CDKAL1: variants seen among roughly 807,000 people sequenced by gnomAD.
The protein encoded by CDKAL1 is CDKAL1 threonylcarbamoyladenosine tRNA methylthiotransferase.
CDKAL1 carries 32 observed loss-of-function variants against 68.2 expected under a neutral mutation model. The observed-to-expected ratio is 0.47, with a 90% CI of 0.35 to 0.63. The LOEUF is 0.63. Among genes scored for constraint, CDKAL1 ranks in the 30% least tolerant of loss-of-function variants. CDKAL1 has a pLI of 0.00. For synonymous variants in CDKAL1, 234 were observed against 244.3 expected (o/e 0.96, Z 0.39); for missense variants, 606 against 696.7 (o/e 0.87, Z 1.47).
At chr6:20,821,926 AG>A (rs1191014051) in intron 8 of CDKAL1, among the ~76,000 whole-genome samples, 2 of 152,212 alleles carry the variant, frequency 1.3e-5, no homozygotes, top group African/African-American at 4.8e-5. Flanking sequence ...AATTAATAGA[AG>A]AAAGTATAGA....
At chr6:20,743,377 G>A (rs1019954615) in intron 6 of CDKAL1, among the ~76,000 whole-genome samples, 20 of 152,084 alleles carry the variant, frequency 1.3e-4, no homozygotes, top group African/African-American at 4.3e-4. Flanking sequence ...CCATGAGGTG[G>A]GGATCATTGG....
intron 9 of CDKAL1, among the ~76,000 whole-genome samples, chr6:20,926,219 C>A (rs1763178462): frequency 6.6e-6 from 1 of 152,020 alleles, no homozygotes; most frequent in African/African-American, 2.4e-5. Context: ...GTATGTTGAA[C>A]TCTATAGTTG....
chr6:20,693,226 A>G (rs1213210912), intron 5 of CDKAL1, among the ~76,000 whole-genome samples: 3 of 151,420 alleles, frequency 2.0e-5, no homozygotes, highest in African/African-American at 4.9e-5. Context: ...GGTTCTTCAC[A>G]GTCTAAGAAG....
chr6:21,077,832 CAATT>C (rs1266711604), intron 12 of CDKAL1, among the ~76,000 whole-genome samples: 45 of 152,148 alleles, frequency 3.0e-4, no homozygotes, highest in Non-Finnish European at 2.9e-4. Flanking sequence ...TTTGCAGATG[CAATT>C]AAGTTCAAGC....
At chr6:20,568,192 A>C (rs986956322) in intron 4 of CDKAL1, among the ~76,000 whole-genome samples, 1 of 151,502 alleles carries the variant, frequency 6.6e-6, no homozygotes, top group African/African-American at 2.4e-5. Context: ...CTAATTTTTA[A>C]ATTTTTTGTA....
intron 13 of CDKAL1, among the ~76,000 whole-genome samples, chr6:21,193,226 A>G (rs1263104008): frequency 6.6e-6 from 1 of 152,148 alleles, no homozygotes; most frequent in Non-Finnish European, 1.5e-5. Flanking sequence ...TGTATTGAAA[A>G]TCAAGTTGTT....
At chr6:20,905,970 C>T (rs930187169) in intron 9 of CDKAL1, among the ~76,000 whole-genome samples, 9 of 152,092 alleles carry the variant, frequency 5.9e-5, no homozygotes, top group Non-Finnish European at 1.2e-4. Context: ...TGCAGATTGG[C>T]GTGAAAGGAC....
intron 5 of CDKAL1, among the ~76,000 whole-genome samples, chr6:20,727,333 T>G (rs1483369262): frequency 6.6e-6 from 1 of 152,138 alleles, no homozygotes; most frequent in African/African-American, 2.4e-5. Flanking sequence ...TTAACAGGAA[T>G]AAAAACATAC....
chr6:21,097,816 C>A (rs1041496220), intron 12 of CDKAL1, among the ~76,000 whole-genome samples: 1 of 152,192 alleles, frequency 6.6e-6, no homozygotes, highest in Non-Finnish European at 1.5e-5. Context: ...GTTTCAAATT[C>A]TGGAATTTTT....
intron 8 of CDKAL1, among the ~76,000 whole-genome samples, chr6:20,823,311 G>A (rs1777365234): frequency 6.6e-6 from 1 of 152,092 alleles, no homozygotes; most frequent in Non-Finnish European, 1.5e-5. Flanking sequence ...AGTTACCTGT[G>A]CATTTGTATT....
chr6:20,933,098 T>TC (rs1304587812), intron 9 of CDKAL1, among the ~76,000 whole-genome samples: 3 of 152,132 alleles, frequency 2.0e-5, no homozygotes, highest in African/African-American at 4.8e-5. Flanking sequence ...ATATAGTGCT[T>TC]CCCCCTCTGA....
intron 10 of CDKAL1, among the ~76,000 whole-genome samples, chr6:20,962,049 C>G (rs754033233): frequency 6.6e-6 from 1 of 152,190 alleles, no homozygotes; most frequent in Non-Finnish European, 1.5e-5. Flanking sequence ...TTACAACCTG[C>G]GCCAGAGAGG....
intron 4 of CDKAL1, among the ~76,000 whole-genome samples, chr6:20,637,477 C>T (rs1301332017): frequency 6.6e-6 from 1 of 151,846 alleles, no homozygotes; most frequent in African/African-American, 2.4e-5. Context: ...GCAGGAGAAT[C>T]GCTTGAACCT....
chr6:20,792,447 T>C (rs1775935656), intron 8 of CDKAL1, among the ~76,000 whole-genome samples: 1 of 152,208 alleles, frequency 6.6e-6, no homozygotes, highest in South Asian at 2.1e-4. Flanking sequence ...TGTGAGATCA[T>C]ATAGGTTTAC....
chr6:21,026,601 G>T (rs917347422), intron 11 of CDKAL1, among the ~76,000 whole-genome samples: 2 of 152,072 alleles, frequency 1.3e-5, no homozygotes, highest in Admixed American at 6.6e-5. Context: ...GGCTTTATCT[G>T]TAATTTAATA....
chr6:20,923,191 G>A (rs1275400274), intron 9 of CDKAL1, among the ~76,000 whole-genome samples: 3 of 152,084 alleles, frequency 2.0e-5, no homozygotes, highest in Non-Finnish European at 4.4e-5. Context: ...AAAGTGTGGG[G>A]GTTATAGGCA....
At chr6:20,768,452 T>A (rs931573283) in intron 7 of CDKAL1, among the ~76,000 whole-genome samples, 1 of 152,306 alleles carries the variant, frequency 6.6e-6, no homozygotes, top group East Asian at 1.9e-4. Context: ...GCACCCCGAT[T>A]TCTATATGCC....
chr6:20,632,461 T>A (rs1767715308), intron 4 of CDKAL1, among the ~76,000 whole-genome samples: 2 of 152,228 alleles, frequency 1.3e-5, no homozygotes. Flanking sequence ...GAGACCATCT[T>A]TGCTTCAGAG....
intron 10 of CDKAL1, among the ~76,000 whole-genome samples, chr6:20,980,901 C>T (rs1233363043): frequency 6.6e-6 from 1 of 152,096 alleles, no homozygotes; most frequent in Admixed American, 6.5e-5. Context: ...GTCTACCTAC[C>T]CTTTGCCCAT....
Sources: gnomAD v4.1 joint callset for allele counts (sites outside exome capture counted in the v4.1 genomes callset) on GRCh38, gnomAD v4.1.1 for gene constraint, MANE v1.5 for transcripts, NCBI Gene and HGNC (gene_info 2026-07-23, HGNC 2026-07-21) for gene names.